Variants in SLC14A2 observed in about 807,000 individuals in gnomAD.
SLC14A2 encodes the protein urea transporter 2.
SLC14A2 carries 91 observed loss-of-function variants against 104.6 expected under a neutral mutation model. That is an observed-to-expected ratio of 0.87 (90% CI 0.73 to 1.04). The LOEUF (loss-of-function observed/expected upper bound fraction) is 1.04, where lower values mean the gene tolerates loss of function less well. Among genes scored for constraint, SLC14A2 ranks in the 50% least tolerant of loss-of-function variants. SLC14A2 has a pLI of 0.00. For synonymous variants in SLC14A2, 476 were observed against 466.4 expected (o/e 1.02, Z -0.27); for missense variants, 1,189 against 1,156.0 (o/e 1.03, Z -0.41).
chr18:45,451,450 C>T, intron 1 of SLC14A2, among the ~76,000 whole-genome samples: 1 of 151,126 alleles, frequency 6.6e-6, no homozygotes, highest in Non-Finnish European at 1.5e-5. Context: ...ACTATCTGAT[C>T]CTTGGGAGAG....
intron 1 of SLC14A2, among the ~76,000 whole-genome samples, chr18:45,354,185 G>A (rs1275654761): frequency 2.0e-5 from 3 of 152,180 alleles, no homozygotes; most frequent in African/African-American, 7.2e-5. Flanking sequence ...ACCAGTAGAA[G>A]TCGCTGATTC....
chr18:45,285,426 AT>A (rs547988747), intron 1 of SLC14A2, among the ~76,000 whole-genome samples: 4 of 150,706 alleles, frequency 2.7e-5, no homozygotes, highest in African/African-American at 7.3e-5. Context: ...AACAGATTAA[AT>A]TTTTTTTTTG....
At chr18:45,228,192 T>C (rs1421278934) in intron 1 of SLC14A2, among the ~76,000 whole-genome samples, 2 of 152,186 alleles carry the variant, frequency 1.3e-5, no homozygotes, top group Non-Finnish European at 2.9e-5. Flanking sequence ...AACATTTTCA[T>C]GAAAGTTGAA....
At chr18:45,426,809 G>C (rs140754402) in intron 1 of SLC14A2, among the ~76,000 whole-genome samples, 2 of 151,834 alleles carry the variant, frequency 1.3e-5, no homozygotes, top group East Asian at 3.9e-4. Flanking sequence ...TATTGTCCCA[G>C]GTTCCTGGTT....
At chr18:45,496,034 C>T (rs532832381) in intron 2 of SLC14A2, among the ~76,000 whole-genome samples, 12 of 152,136 alleles carry the variant, frequency 7.9e-5, no homozygotes, top group Non-Finnish European at 1.5e-4. Context: ...TGCTTCATGC[C>T]TATTAATGTG....
At chr18:45,434,971 GAAT>G (rs2086573640) in intron 1 of SLC14A2, among the ~76,000 whole-genome samples, 1 of 152,140 alleles carries the variant, frequency 6.6e-6, no homozygotes, top group African/African-American at 2.4e-5. Context: ...TTTGGTATTT[GAAT>G]AATAATCTCT....
chr18:45,468,728 A>G (rs1438870674), intron 1 of SLC14A2, among the ~76,000 whole-genome samples: 1 of 152,232 alleles, frequency 6.6e-6, no homozygotes, highest in African/African-American at 2.4e-5. Context: ...AGAAGCCGTG[A>G]AAGAGGTTAA....
At chr18:45,438,098 G>A (rs1296469094) in intron 1 of SLC14A2, 1 of 152,174 alleles carries the variant, frequency 6.6e-6, no homozygotes, top group Admixed American at 6.5e-5. Context: ...TCAACGACAT[G>A]GAGAGGCAAA....
At chr18:45,234,453 T>C (rs1191277402) in intron 1 of SLC14A2, among the ~76,000 whole-genome samples, 2 of 152,260 alleles carry the variant, frequency 1.3e-5, no homozygotes, top group African/African-American at 4.8e-5. Context: ...TTTAGTCAAC[T>C]GATTTTAGTG....
At chr18:45,309,903 T>TTA (rs138889371) in intron 1 of SLC14A2, among the ~76,000 whole-genome samples, 4,550 of 149,076 alleles carry the variant, frequency 0.031, 93 homozygotes, top group Middle Eastern at 0.055. Flanking sequence ...CATTCTCCAT[T>TTA]TATATATATA....
chr18:45,577,847 G>A (rs2044436555), intron 2 of SLC14A2, among the ~76,000 whole-genome samples: 1 of 152,306 alleles, frequency 6.6e-6, no homozygotes, highest in East Asian at 1.9e-4. Flanking sequence ...TTGCACTCTG[G>A]TGGAGGGGAA....
intron 1 of SLC14A2, among the ~76,000 whole-genome samples, chr18:45,356,440 C>T (rs2085555064): frequency 6.6e-6 from 1 of 152,146 alleles, no homozygotes; most frequent in South Asian, 2.1e-4. Context: ...GGAATTTCCC[C>T]AGAGTGTGAC....
intron 2 of SLC14A2, among the ~76,000 whole-genome samples, chr18:45,525,642 T>C (rs2043585235): frequency 6.6e-6 from 1 of 152,224 alleles, no homozygotes; most frequent in Non-Finnish European, 1.5e-5. Flanking sequence ...AACTTAACTA[T>C]TTTCAATGCA....
intron 2 of SLC14A2, among the ~76,000 whole-genome samples, chr18:45,537,147 G>C (rs1428214220): frequency 6.6e-6 from 1 of 150,718 alleles, no homozygotes; most frequent in East Asian, 2.0e-4. Context: ...TTCTCTTCTA[G>C]GTGCTGAAGA....
At chr18:45,196,108 G>GC in the SLC14A2 span, among the ~76,000 whole-genome samples, 1 of 152,146 alleles carries the variant, frequency 6.6e-6, no homozygotes, top group East Asian at 1.9e-4. Flanking sequence ...TGAACAATTG[G>GC]CCCCCTTTCA....
intron 1 of SLC14A2, among the ~76,000 whole-genome samples, chr18:45,481,122 G>A (rs955043398): frequency 9.9e-5 from 15 of 152,084 alleles, no homozygotes; most frequent in Admixed American, 2.0e-4. Context: ...ATTAGGAGGA[G>A]GCAGGATTCC....
At chr18:45,200,284 A>G in the SLC14A2 span, among the ~76,000 whole-genome samples, 7 of 152,140 alleles carry the variant, frequency 4.6e-5, no homozygotes, top group African/African-American at 9.7e-5. Flanking sequence ...TGTGGTCAAT[A>G]TGTAGATTAG....
chr18:45,543,240 G>A (rs1457406754), intron 2 of SLC14A2, among the ~76,000 whole-genome samples: 1 of 152,026 alleles, frequency 6.6e-6, no homozygotes, highest in African/African-American at 2.4e-5. Context: ...GAGCCACTGC[G>A]CCCAGCCTGT....
chr18:45,666,989 A>G lies in SLC14A2; in HGVS notation c.1612A>G (p.Lys538Glu), dbSNP rs780854767. Residue 538 changes from lysine (K) to glutamate (E), a missense_variant, in exon 13 of 20, where the codon AAG becomes GAG. Transcript: ENST00000255226. ...SEIKVETNIS[K>E]TSWIRSSMAA... ...GATAAAAGTGGAAACAAACATTTCC[A>G]AGACATCCTGGATTCGGAGTTCCAT... is the stretch of plus-strand genomic sequence containing the variant. The G allele has an allele frequency of 1.9e-6, 3 of 1,614,026 alleles. No individual in the cohort carries two copies. The highest frequency in any genetic ancestry group is 2.5e-6 in the Non-Finnish European group (3 of 1,179,976).
Sources: allele counts gnomAD v4.1 joint callset (sites outside exome capture counted in the v4.1 genomes callset), GRCh38; gene constraint gnomAD v4.1.1; transcripts MANE v1.5; gene names NCBI Gene and HGNC (gene_info 2026-07-23, HGNC 2026-07-21).